Variants in ILDR2 observed in about 807,000 individuals in gnomAD.
The protein encoded by ILDR2 is immunoglobulin-like domain-containing receptor 2.
In ILDR2, 25 loss-of-function variants were observed where a neutral mutation model predicts 66.8. The ratio of observed to expected loss-of-function variants is 0.37; its 90% CI spans 0.27 to 0.52. The LOEUF (loss-of-function observed/expected upper bound fraction) is 0.52, where lower values mean the gene tolerates loss of function less well. ILDR2 is among the 20% of genes least tolerant of loss of function. The pLI, the probability that ILDR2 is intolerant of heterozygous loss-of-function variation, is 0.88. For missense variants in ILDR2, 827 were observed against 876.8 expected, an observed-to-expected ratio of 0.94 and a Z score of 0.72; for synonymous variants, 367 against 357.2, an observed-to-expected ratio of 1.03 and a Z score of -0.31.
At chr1:166,930,502 TCTC>T (rs1213844017) in intron 6 of ILDR2, among the ~76,000 whole-genome samples, 1 of 152,140 alleles carries the variant, frequency 6.6e-6, no homozygotes, top group Non-Finnish European at 1.5e-5. Flanking sequence ...CCTGGGCAAT[TCTC>T]CTTCTAAAAG....
intron 2 of ILDR2, among the ~76,000 whole-genome samples, chr1:166,899,009 A>G (rs1659216929): frequency 6.6e-6 from 1 of 152,074 alleles, no homozygotes; most frequent in African/African-American, 2.4e-5. Flanking sequence ...GCAGTGAGCC[A>G]TGATTGCCCC....
chr1:166,910,014 G>C lies in ILDR2; in HGVS notation c.*9341C>G, dbSNP rs1378814826. ...CTTGGTTTTTAGAGACAGTGAGAGA[G>C]AGAACAAGAGACAGAGAGATTGATT... is the stretch of plus-strand genomic sequence containing the variant. On this transcript the variant is annotated 3_prime_UTR_variant, in exon 10 of 10. Coordinates refer to ENST00000271417, the MANE Select transcript of ILDR2 (RefSeq NM_199351.3). The C allele has an allele frequency of 1.3e-5, 2 of 151,758 alleles. No individual in the cohort carries two copies. Among genetic ancestry groups the C allele is most frequent in the Non-Finnish European group, 2.9e-5 (2 of 67,998 alleles). 9.4% of individuals were successfully genotyped at this position (151,758 alleles called of 1,614,324 possible).
intron 6 of ILDR2, among the ~76,000 whole-genome samples, chr1:166,929,825 G>A (rs189191463): frequency 2.0e-5 from 3 of 152,320 alleles, no homozygotes; most frequent in Non-Finnish European, 2.9e-5. Flanking sequence ...CGGTTTATTG[G>A]AGAATTTTGA....
intron 3 of ILDR2, among the ~76,000 whole-genome samples, chr1:166,955,270 T>C (rs1662210367): frequency 6.6e-6 from 1 of 152,198 alleles, no homozygotes; most frequent in South Asian, 2.1e-4. Flanking sequence ...AAGTCAACCT[T>C]CTAATAAGGC....
chr1:166,948,206 T>A (rs567370357), intron 3 of ILDR2, among the ~76,000 whole-genome samples: 1 of 152,254 alleles, frequency 6.6e-6, no homozygotes, highest in African/African-American at 2.4e-5. Context: ...TCTTCTGTTC[T>A]CTTCAATCTA....
At chr1:166,922,400 C>T (rs903462767) in intron 8 of ILDR2, among the ~76,000 whole-genome samples, 193 bp downstream of exon 8, 2 of 152,198 alleles carry the variant, frequency 1.3e-5, no homozygotes, top group Admixed American at 1.3e-4. Flanking sequence ...TACTTCTACA[C>T]ATGTTGTCAC....
At position 166,921,839 on chromosome 1, in the gene ILDR2, G is replaced by A. The variant is rs1379928099; in HGVS notation, c.1212-460C>T. On this transcript the variant is annotated intron_variant, in intron 8 of 9. Transcript: ENST00000271417. The surrounding 1 kb of genome is among the most constrained non-coding windows in gnomAD (Gnocchi z 5.3). ...GGCCAAGTTACCTACTGGGGCAGGA[G>A]GGGAGAAGGACACTTGCAATTTGTA... 6.6e-6 allele frequency among the ~76,000 whole-genome samples: 1 copy of A among 152,164 alleles called. No individual in the cohort carries two copies. The highest frequency in any genetic ancestry group is 2.4e-5 in the African/African-American group (1 of 41,442).
At chr1:166,959,923 A>G (rs1255765844) in intron 1 of ILDR2, among the ~76,000 whole-genome samples, 1 of 152,248 alleles carries the variant, frequency 6.6e-6, no homozygotes, top group Non-Finnish European at 1.5e-5. Context: ...CTTGGGGCAG[A>G]GACATGCAAA....
In ILDR2 at chr1:166,912,538, C is replaced by G. The variant is rs967960661; in HGVS notation, c.*6817G>C. Reference sequence around the variant, plus strand: ...AAATAATACAAAATCCAGAGGTAATCAAACTGTTTTAGAGTCTATCTTTAA... The same window carrying G: ...AAATAATACAAAATCCAGAGGTAATGAAACTGTTTTAGAGTCTATCTTTAA... On this transcript the variant is annotated 3_prime_UTR_variant, in exon 10 of 10. Coordinates refer to ENST00000271417, the MANE Select transcript of ILDR2 (RefSeq NM_199351.3). The G allele has an allele frequency of 2.0e-5, 3 of 152,084 alleles. No homozygotes were observed. Among genetic ancestry groups the G allele is most frequent in the African/African-American group, 7.2e-5 (3 of 41,416 alleles). 9.4% of individuals were successfully genotyped at this position (152,084 alleles called of 1,614,324 possible). A position where few individuals can be genotyped will look rare whatever the true frequency, so the allele number is the denominator to read the frequency against.
At chr1:166,927,776 A>G (rs1660389898) in intron 6 of ILDR2, among the ~76,000 whole-genome samples, 3 of 152,242 alleles carry the variant, frequency 2.0e-5, no homozygotes, top group Admixed American at 2.0e-4. Flanking sequence ...AACTATGTGG[A>G]TTTTTAATTA....
chr1:166,927,106 G>C lies in ILDR2; in HGVS notation c.955C>G (p.Leu319Val). The change falls in exon 7 of 10, where the codon CTG becomes GTG. Residue 319 changes from leucine (L) to valine (V), a missense_variant. By Grantham distance (32) the Leu-to-Val change is conservative. Transcript: ENST00000271417. ...CTTCTGGCTGGATCAAACTGAGCCAGCTCCTTCTCAACATAGTACAGGACC... is the reference window on the plus strand; with the variant it reads ...CTTCTGGCTGGATCAAACTGAGCCACCTCCTTCTCAACATAGTACAGGACC... Reference protein sequence around the residue: ...MKVLYYVEKELAQFDPARRMR... With the variant: ...MKVLYYVEKEVAQFDPARRMR... 6.2e-7 allele frequency: 1 copy of C among 1,613,274 alleles called. No homozygotes were observed. The highest frequency in any genetic ancestry group is 8.5e-7 in the Non-Finnish European group (1 of 1,179,618).
intron 1 of ILDR2, among the ~76,000 whole-genome samples, chr1:166,962,627 GA>G (rs1165787084): frequency 6.6e-6 from 1 of 152,128 alleles, no homozygotes; most frequent in Non-Finnish European, 1.5e-5. Flanking sequence ...TTGACCTGGA[GA>G]TACCCTCTCT....
chr1:166,968,119 T>C (rs1663069130), intron 1 of ILDR2, among the ~76,000 whole-genome samples: 1 of 152,208 alleles, frequency 6.6e-6, no homozygotes, highest in Non-Finnish European at 1.5e-5. Flanking sequence ...ATTCTTAAAA[T>C]ATTCCCTCTA....
chr1:166,929,534 C>T (rs1339031252), intron 6 of ILDR2, among the ~76,000 whole-genome samples: 4 of 152,186 alleles, frequency 2.6e-5, no homozygotes, highest in South Asian at 4.2e-4. Flanking sequence ...AAAAAATGTT[C>T]GTTGCATTGC....
At chr1:166,965,283 T>C (rs1344447195) in intron 1 of ILDR2, among the ~76,000 whole-genome samples, 5 of 152,194 alleles carry the variant, frequency 3.3e-5, no homozygotes, top group African/African-American at 4.8e-5. Flanking sequence ...ATCTTGGGGA[T>C]GGGACCCAAA....
At chr1:166,923,378 T>C (rs910530685) in intron 7 of ILDR2, among the ~76,000 whole-genome samples, 2 of 152,158 alleles carry the variant, frequency 1.3e-5, no homozygotes, top group African/African-American at 4.8e-5. Flanking sequence ...CACAGAATAG[T>C]TGAATAGTCA....
intron 3 of ILDR2, among the ~76,000 whole-genome samples, chr1:166,956,528 G>A (rs376391224): frequency 7.9e-5 from 12 of 151,708 alleles, no homozygotes; most frequent in African/African-American, 1.2e-4. Context: ...AGGTGGGGGC[G>A]GGGGGGTCAT....
chr1:166,920,547 G>A (rs954184406), intron 9 of ILDR2, 160 bp downstream of exon 9: 1 of 414,796 alleles, frequency 2.4e-6, no homozygotes, highest in African/African-American at 2.2e-5. Context: ...CCCCGGCCTA[G>A]CATCCGCGGA....
At chr1:166,920,344 C>T (rs1405553810) in intron 9 of ILDR2, among the ~76,000 whole-genome samples, 1 of 152,166 alleles carries the variant, frequency 6.6e-6, no homozygotes, top group Admixed American at 6.5e-5. Context: ...ACACAGACCT[C>T]AGAAGCCCAC....
Sources: allele counts gnomAD v4.1 joint callset (sites outside exome capture counted in the v4.1 genomes callset), GRCh38; gene constraint gnomAD v4.1.1; non-coding constraint Gnocchi (gnomAD v3.1); transcripts MANE v1.5; gene names NCBI Gene and HGNC (gene_info 2026-07-23, HGNC 2026-07-21).